NRXN1: variants seen among roughly 807,000 people sequenced by gnomAD.
NRXN1 encodes the protein neurexin-1.
In NRXN1, 39 loss-of-function variants were observed where a neutral mutation model predicts 150.9. The ratio of observed to expected loss-of-function variants is 0.26; its 90% confidence interval spans 0.20 to 0.34. The LOEUF is 0.34. Among genes scored for constraint, NRXN1 ranks in the 10% least tolerant of loss-of-function variants. The pLI, the probability that NRXN1 is intolerant of heterozygous loss-of-function variation, is 1.00. For synonymous variants in NRXN1, 924 were observed against 757.0 expected, an observed-to-expected ratio of 1.22 and a Z score of -3.62; for missense variants, 1,815 against 1,949.9, an observed-to-expected ratio of 0.93 and a Z score of 1.30.
intron 5 of NRXN1, among the ~76,000 whole-genome samples, chr2:50,757,776 A>G (rs538189007): frequency 7.9e-5 from 12 of 151,484 alleles, no homozygotes; most frequent in Non-Finnish European, 1.6e-4. Flanking sequence ...TCAAGAGAGG[A>G]GGTAACATTT....
intron 5 of NRXN1, among the ~76,000 whole-genome samples, chr2:50,665,438 T>G (rs1202253851): frequency 6.6e-6 from 1 of 151,872 alleles, no homozygotes; most frequent in African/African-American, 2.4e-5. Flanking sequence ...AAAGAGCCAT[T>G]TTTCTGAAAT....
chr2:50,529,030 G>A, intron 11 of NRXN1: 1 of 176,064 alleles, frequency 5.7e-6, no homozygotes, highest in Non-Finnish European at 1.2e-5. Context: ...TACAGTGCAG[G>A]TTCAGCTAGG....
chr2:49,936,739 C>G (rs936707406), intron 22 of NRXN1, among the ~76,000 whole-genome samples: 14 of 148,938 alleles, frequency 9.4e-5, no homozygotes, highest in African/African-American at 3.5e-4. Context: ...AAAAAAAGTT[C>G]AAACCTCAGA....
intron 18 of NRXN1, among the ~76,000 whole-genome samples, chr2:50,097,767 G>A (rs545859355): frequency 1.1e-4 from 17 of 152,150 alleles, no homozygotes; most frequent in African/African-American, 3.1e-4. Context: ...AGCCTCCGAA[G>A]TAGCTGGGAT....
At chr2:50,242,712 T>G (rs1436240247) in intron 17 of NRXN1, among the ~76,000 whole-genome samples, 1 of 151,556 alleles carries the variant, frequency 6.6e-6, no homozygotes, top group African/African-American at 2.4e-5. Flanking sequence ...AAGACAAAGA[T>G]GCCAGGAAAA....
At chr2:50,900,781 A>T (rs947858875) in intron 5 of NRXN1, among the ~76,000 whole-genome samples, 2 of 152,154 alleles carry the variant, frequency 1.3e-5, no homozygotes, top group Admixed American at 1.3e-4. Flanking sequence ...TAACTAAGAG[A>T]AACCAGCTAA....
At chr2:50,381,923 G>C (rs2080999553) in intron 17 of NRXN1, among the ~76,000 whole-genome samples, 2 of 151,996 alleles carry the variant, frequency 1.3e-5, no homozygotes, top group African/African-American at 4.8e-5. Flanking sequence ...ATTTAAGATG[G>C]GTCTTTAGTG....
chr2:50,872,431 G>C, intron 5 of NRXN1, among the ~76,000 whole-genome samples: 1 of 151,534 alleles, frequency 6.6e-6, no homozygotes, highest in East Asian at 2.0e-4. Flanking sequence ...AATGGGGAGC[G>C]AGTAGTGATA....
intron 2 of NRXN1, among the ~76,000 whole-genome samples, chr2:50,948,880 C>G (rs1055690824): frequency 6.6e-6 from 1 of 151,986 alleles, no homozygotes; most frequent in Non-Finnish European, 1.5e-5. Context: ...TGGAGACTTT[C>G]CAGAATACTG....
At chr2:50,716,064 G>C (rs1695833529) in intron 5 of NRXN1, among the ~76,000 whole-genome samples, 1 of 152,148 alleles carries the variant, frequency 6.6e-6, no homozygotes, top group Non-Finnish European at 1.5e-5. Context: ...AGTAGTAAAT[G>C]TGTGTGATGA....
At chr2:50,624,861 A>G (rs1680726642) in intron 5 of NRXN1, 1 of 152,038 alleles carries the variant, frequency 6.6e-6, no homozygotes, top group African/African-American at 2.4e-5. Flanking sequence ...GATCAAACAG[A>G]AAGGTGGATA....
chr2:50,856,166 T>C (rs1675245890), intron 5 of NRXN1, among the ~76,000 whole-genome samples: 1 of 152,108 alleles, frequency 6.6e-6, no homozygotes, highest in Non-Finnish European at 1.5e-5. Context: ...TCAACCATAC[T>C]TGTGACATTT....
At chr2:50,929,522 C>T (rs1345360610) in intron 2 of NRXN1, among the ~76,000 whole-genome samples, 1 of 151,924 alleles carries the variant, frequency 6.6e-6, no homozygotes, top group Non-Finnish European at 1.5e-5. Context: ...TGACTGGCTC[C>T]CCTCATTTTC....
chr2:50,077,622 C>T (rs888556546), intron 19 of NRXN1, among the ~76,000 whole-genome samples: 1 of 152,072 alleles, frequency 6.6e-6, no homozygotes, highest in African/African-American at 2.4e-5. Flanking sequence ...GAAGGTGACC[C>T]TGAAAAATTA....
At chr2:50,128,857 C>T (rs1195495165) in intron 18 of NRXN1, among the ~76,000 whole-genome samples, 2 of 151,682 alleles carry the variant, frequency 1.3e-5, no homozygotes, top group East Asian at 2.0e-4. Context: ...GTGGCGGGCG[C>T]CTGTAATCCC....
chr2:50,922,862 A>G (rs1322253077), intron 3 of NRXN1, among the ~76,000 whole-genome samples, 175 bp from the exon 4 acceptor site: 2 of 151,870 alleles, frequency 1.3e-5, no homozygotes, highest in Admixed American at 6.6e-5. Flanking sequence ...GCTTTGGGGC[A>G]AAGTGTTCTA....
intron 18 of NRXN1, among the ~76,000 whole-genome samples, chr2:50,098,846 T>G (rs1231244649): frequency 0.048 from 612 of 12,788 alleles, 25 homozygotes; most frequent in African/African-American, 0.17. Context: ...TTTTTTTTTT[T>G]TTTTTTTTTT....
intron 21 of NRXN1, among the ~76,000 whole-genome samples, chr2:49,970,862 A>T (rs1011945157): frequency 6.6e-6 from 1 of 152,084 alleles, no homozygotes; most frequent in Non-Finnish European, 1.5e-5. Context: ...AACCACAGGT[A>T]AAGCAACAGA....
At chr2:50,643,058 A>G (rs1684291271) in intron 5 of NRXN1, among the ~76,000 whole-genome samples, 1 of 151,976 alleles carries the variant, frequency 6.6e-6, no homozygotes, top group Non-Finnish European at 1.5e-5. Flanking sequence ...ATGAGAAATA[A>G]AAGCTCAAGA....
Sources: allele counts gnomAD v4.1 joint callset (sites outside exome capture counted in the v4.1 genomes callset), GRCh38; gene constraint gnomAD v4.1.1; transcripts MANE v1.5; gene names NCBI Gene and HGNC (gene_info 2026-07-23, HGNC 2026-07-21).